EXOC5: variants seen among roughly 807,000 people sequenced by gnomAD.
The protein encoded by EXOC5 is SEC10-like 1.
A neutral mutation model predicts 90.8 loss-of-function variants in EXOC5; 17 were observed. The observed-to-expected ratio is 0.19, with a 90% CI of 0.13 to 0.28. EXOC5 has a LOEUF of 0.28. Among genes scored for constraint, EXOC5 ranks in the 10% least tolerant of loss-of-function variants. The probability of loss-of-function intolerance (pLI) is 1.00; values close to 1 mark genes in which losing one functional copy is unlikely to be tolerated. For missense variants in EXOC5, 569 were observed against 830.6 expected (o/e 0.69, Z 3.87); for synonymous variants, 260 against 270.0 (o/e 0.96, Z 0.36).
At chr14:57,240,601 C>G (rs1883830903) in intron 4 of EXOC5, among the ~76,000 whole-genome samples, 1 of 151,682 alleles carries the variant, frequency 6.6e-6, no homozygotes, top group Non-Finnish European at 1.5e-5. Context: ...TAAATTTATT[C>G]AAGTTGTGGA....
chr14:57,266,167 G>T (rs1165814124), intron 1 of EXOC5, among the ~76,000 whole-genome samples: 1 of 152,138 alleles, frequency 6.6e-6, no homozygotes, highest in Non-Finnish European at 1.5e-5. Context: ...TGAAAATCAG[G>T]ATGCATAAAA....
rs575333765 is a variant in EXOC5 at position 57,216,547 on chromosome 14, G to C, written c.1613+1435C>G. On this transcript the variant is annotated intron_variant, in intron 15 of 17. Transcript: ENST00000621441. ...AAGAACACACAATAGGGAAAGGATAGTCTCCTCTATAAATGGTTCTGGAAA... is the reference window on the plus strand; with the variant it reads ...AAGAACACACAATAGGGAAAGGATACTCTCCTCTATAAATGGTTCTGGAAA... 5.3e-5 allele frequency among the ~76,000 whole-genome samples: 8 copies of C among 152,132 alleles called. No individual in the cohort carries two copies. In the South Asian group the frequency reaches 1.7e-3, roughly 32 times the overall value.
At chr14:57,211,878 T>C (rs929012120) in intron 15 of EXOC5, among the ~76,000 whole-genome samples, 1 of 152,092 alleles carries the variant, frequency 6.6e-6, no homozygotes, top group Non-Finnish European at 1.5e-5. Flanking sequence ...AAAAAAAGTG[T>C]TCTGAGACAG....
At chr14:57,209,025 T>C (rs1417641096) in intron 17 of EXOC5, among the ~76,000 whole-genome samples, 1 of 152,172 alleles carries the variant, frequency 6.6e-6, no homozygotes, top group African/African-American at 2.4e-5. Context: ...TCTTCAATAG[T>C]AACAATCATA....
intron 1 of EXOC5, among the ~76,000 whole-genome samples, chr14:57,266,876 A>G (rs1434196889): frequency 6.6e-6 from 1 of 151,988 alleles, no homozygotes; most frequent in Admixed American, 6.6e-5. Flanking sequence ...ATATTTCCAA[A>G]TAAGTTACTG....
Position 57,266,671 on chromosome 14 carries a change from A to G in EXOC5, c.27+1951T>C, listed in dbSNP as rs531424961. Among the ~76,000 whole-genome samples the G allele has an allele frequency of 4.0e-5, 6 of 150,534 alleles. No homozygotes were observed. The South Asian group carries it at 1.3e-3, about 31-fold the overall frequency. On this transcript the variant is annotated intron_variant, in intron 1 of 17. Transcript: ENST00000621441. ...TGGCTACCATGTAACTAGAGTCACT[A>G]AATTACATTATATATATGTATGTTA...
intron 4 of EXOC5, among the ~76,000 whole-genome samples, chr14:57,242,006 G>A (rs975185866): frequency 7.3e-5 from 11 of 151,628 alleles, no homozygotes; most frequent in South Asian, 4.2e-4. Context: ...GGTGGCAGGC[G>A]CCTGTGGTCC....
Position 57,229,799 on chromosome 14 carries a change from G to T in EXOC5, c.1231C>A (p.Leu411Ile). Residue 411 changes from leucine to isoleucine, a missense_variant, in exon 12 of 18, where the codon CTA (leucine) becomes ATA (isoleucine). Transcript: ENST00000621441. ...PSIDTHGETF[L>I]SQEVVVNLLQ... ...AGATTAACCACCACTTCTTGGGATA[G>T]AAAAGTCTCCCCATGAGTATCGATA... 6.5e-7 allele frequency: 1 copy of T among 1,528,962 alleles called. No individual in the cohort carries two copies. The highest frequency in any genetic ancestry group is 8.8e-7 in the Non-Finnish European group (1 of 1,131,942). 94.7% of individuals were successfully genotyped at this position (1,528,962 alleles called of 1,614,324 possible). A position where few individuals can be genotyped will look rare whatever the true frequency, so the allele number is the denominator to read the frequency against.
chr14:57,258,243 C>A (rs1364685058), intron 1 of EXOC5, among the ~76,000 whole-genome samples: 2 of 152,138 alleles, frequency 1.3e-5, no homozygotes, highest in Non-Finnish European at 2.9e-5. Flanking sequence ...AAGACACATG[C>A]ACACGTACGT....
Position 57,268,862 on chromosome 14 carries a change from G to A in EXOC5, c.-214C>T. 1.6e-6 allele frequency: 2 copies of A among 1,288,324 alleles called. No homozygotes were observed. Among genetic ancestry groups the A allele is most frequent in the South Asian group, 1.6e-5 (1 of 62,188 alleles). 79.8% of individuals were successfully genotyped at this position (1,288,324 alleles called of 1,614,324 possible). A position where few individuals can be genotyped will look rare whatever the true frequency, so the allele number is the denominator to read the frequency against. On this transcript the variant is annotated 5_prime_UTR_variant, in exon 1 of 18. Coordinates refer to ENST00000621441, the MANE Select transcript of EXOC5 (RefSeq NM_006544.4). ...TGTCAGCTGCCTCCCGGCGCCGCCC[G>A]CGCTGCTCCCATTGTCACCGCCTCA...
At chr14:57,220,260 G>C (rs1198117466) in intron 13 of EXOC5, among the ~76,000 whole-genome samples, 1 of 149,154 alleles carries the variant, frequency 6.7e-6, no homozygotes, top group Non-Finnish European at 1.5e-5. Flanking sequence ...GAAAATTGAA[G>C]GCTTGAATAA....
chr14:57,268,574 C>T, intron 1 of EXOC5, 48 bp downstream of exon 1: 2 of 1,564,876 alleles, frequency 1.3e-6, no homozygotes, highest in Non-Finnish European at 1.7e-6. Context: ...CACCCAGCTG[C>T]CTGCAAACCC....
chr14:57,216,941 T>A (rs1056125916), intron 15 of EXOC5, among the ~76,000 whole-genome samples: 2 of 151,970 alleles, frequency 1.3e-5, no homozygotes, highest in African/African-American at 4.8e-5. Context: ...AAATAAATGA[T>A]CCAATGATTA....
intron 1 of EXOC5, among the ~76,000 whole-genome samples, chr14:57,258,569 G>C (rs1195363186): frequency 1.3e-5 from 2 of 152,162 alleles, no homozygotes; most frequent in Non-Finnish European, 2.9e-5. Flanking sequence ...CTAGGGGAGG[G>C]ACAGCATTAG....
At chr14:57,231,917 CG>C (rs546686399) in intron 10 of EXOC5, 235 of 455,190 alleles carry the variant, frequency 5.2e-4, no homozygotes, top group African/African-American at 4.2e-3. Flanking sequence ...AACAACTTTA[CG>C]GTTTTGAGAA....
At chr14:57,221,487 A>G (rs1431523576) in intron 13 of EXOC5, among the ~76,000 whole-genome samples, 1 of 152,216 alleles carries the variant, frequency 6.6e-6, no homozygotes, top group Non-Finnish European at 1.5e-5. Flanking sequence ...AGTTACAAGT[A>G]GACAGAGATA....
rs1167554265 is a variant in EXOC5 at position 57,206,098 on chromosome 14, T to C, written c.*2511A>G. The C allele has an allele frequency of 2.4e-6, 1 of 413,332 alleles. No individual in the cohort carries two copies. The highest frequency in any genetic ancestry group is 7.1e-5 in the East Asian group (1 of 14,150). The allele number at this position is 413,332 out of a possible 1,614,324, so 25.6% of individuals were successfully genotyped here. A position where few individuals can be genotyped will look rare whatever the true frequency, so the allele number is the denominator to read the frequency against. ...AACAATGCACAGTGTGTTAAGAGCA[T>C]ATTTTCAACTTCATTCAATGCATTA... On this transcript the variant is annotated 3_prime_UTR_variant, in exon 18 of 18. Coordinates refer to ENST00000621441, the MANE Select transcript of EXOC5 (RefSeq NM_006544.4).
At chr14:57,231,114 T>G (rs190089563) in intron 11 of EXOC5, among the ~76,000 whole-genome samples, 1 of 152,070 alleles carries the variant, frequency 6.6e-6, no homozygotes, top group Non-Finnish European at 1.5e-5. Flanking sequence ...GTTCAAGTGA[T>G]TCTCCTGCTT....
chr14:57,255,771 G>A (rs917478427), intron 1 of EXOC5, among the ~76,000 whole-genome samples: 8 of 151,098 alleles, frequency 5.3e-5, no homozygotes, highest in African/African-American at 2.0e-4. Flanking sequence ...GGGAGAAGTT[G>A]CAGTGAGCCA....
Sources: allele counts gnomAD v4.1 joint callset (sites outside exome capture counted in the v4.1 genomes callset), GRCh38; gene constraint gnomAD v4.1.1; transcripts MANE v1.5; gene names NCBI Gene and HGNC (gene_info 2026-07-23, HGNC 2026-07-21).